The following HDAC9 variants were observed in gnomAD, a reference collection of about 807,000 sequenced individuals.
HDAC9 encodes MEF-2 interacting transcription repressor (MITR) protein.
In HDAC9, 41 loss-of-function variants were observed where a neutral mutation model predicts 139.4. That is an observed-to-expected ratio of 0.29 (90% CI 0.23 to 0.38). The LOEUF (loss-of-function observed/expected upper bound fraction) is 0.38. Among genes scored for constraint, HDAC9 ranks in the 10% least tolerant of loss-of-function variants. The probability of loss-of-function intolerance (pLI) is 1.00; values close to 1 mark genes in which losing one functional copy is unlikely to be tolerated. For synonymous variants in HDAC9, 517 were observed against 476.2 expected (o/e 1.09, Z -1.12); for missense variants, 1,147 against 1,297.0 (o/e 0.88, Z 1.78).
chr7:18,313,476 ATACT>A, intron 1 of HDAC9, among the ~76,000 whole-genome samples: 1 of 152,320 alleles, frequency 6.6e-6, no homozygotes, highest in Middle Eastern at 3.4e-3. Context: ...TCAGATCCAA[ATACT>A]TAGTTCATTT....
intron 25 of HDAC9, among the ~76,000 whole-genome samples, chr7:18,976,760 A>G (rs1003670395): frequency 2.6e-5 from 4 of 152,202 alleles, no homozygotes; most frequent in African/African-American, 7.2e-5. Context: ...GGTGATTTCT[A>G]TGGCTGACTT....
intron 7 of HDAC9, 37 bp from the exon 8 acceptor site, chr7:18,634,590 C>T (rs758438173): frequency 1.2e-5 from 15 of 1,278,762 alleles, no homozygotes; most frequent in Non-Finnish European, 1.6e-5. Flanking sequence ...TATGTATGTT[C>T]CTCATGAACA....
chr7:18,354,278 T>C (rs1040146047), intron 1 of HDAC9, among the ~76,000 whole-genome samples: 1 of 152,226 alleles, frequency 6.6e-6, no homozygotes, highest in African/African-American at 2.4e-5. Context: ...TGCCACTTCA[T>C]TGTGACCTTA....
chr7:18,626,750 A>G (rs1841829651), intron 6 of HDAC9, among the ~76,000 whole-genome samples: 2 of 152,222 alleles, frequency 1.3e-5, no homozygotes, highest in Admixed American at 6.5e-5. Context: ...GTAGACAAAC[A>G]GGAGTGAAAG....
chr7:18,175,594 G>A (rs1279317145), intron 2 of HDAC9, among the ~76,000 whole-genome samples: 2 of 152,132 alleles, frequency 1.3e-5, no homozygotes, highest in Non-Finnish European at 2.9e-5. Flanking sequence ...ATCTTGGAAC[G>A]GACCAGTCCA....
intron 1 of HDAC9, among the ~76,000 whole-genome samples, chr7:18,362,418 G>C (rs563439712): frequency 6.6e-6 from 1 of 152,122 alleles, no homozygotes; most frequent in South Asian, 2.1e-4. Context: ...TGGTAACTTA[G>C]ATGATCCAGT....
At chr7:18,715,138 C>G (rs1449266718) in intron 12 of HDAC9, among the ~76,000 whole-genome samples, 1 of 151,842 alleles carries the variant, frequency 6.6e-6, no homozygotes, top group Non-Finnish European at 1.5e-5. Flanking sequence ...GTTTTCAATT[C>G]TGACCCACAG....
intron 2 of HDAC9, among the ~76,000 whole-genome samples, chr7:18,553,163 G>A (rs1308447694): frequency 6.6e-6 from 1 of 152,116 alleles, no homozygotes; most frequent in African/African-American, 2.4e-5. Context: ...AAGTCAGCAG[G>A]AAGGCTCCAG....
intron 12 of HDAC9, among the ~76,000 whole-genome samples, chr7:18,706,210 A>AATT (rs1373046249): frequency 4.6e-5 from 6 of 130,788 alleles, no homozygotes; most frequent in Admixed American, 8.5e-5. Context: ...AGCCGCAATA[A>AATT]ATTTCCACAG....
intron 22 of HDAC9, among the ~76,000 whole-genome samples, chr7:18,916,445 G>A (rs1313901101): frequency 6.6e-6 from 1 of 152,010 alleles, no homozygotes; most frequent in East Asian, 1.9e-4. Flanking sequence ...GTAAAGTGGT[G>A]TAAAATTTTG....
intron 1 of HDAC9, among the ~76,000 whole-genome samples, chr7:18,346,831 G>A (rs1456496466): frequency 6.6e-6 from 1 of 152,054 alleles, no homozygotes. Flanking sequence ...CCATTGTTTG[G>A]TTGGGAGCCA....
chr7:18,432,493 T>A (rs78192039), intron 1 of HDAC9, among the ~76,000 whole-genome samples: 5,693 of 152,326 alleles, frequency 0.037, 151 homozygotes, highest in African/African-American at 0.076. Flanking sequence ...TCTCATCACA[T>A]TCCTCATGAT....
chr7:18,887,254 A>C (rs1372935510), intron 22 of HDAC9, among the ~76,000 whole-genome samples: 2 of 152,136 alleles, frequency 1.3e-5, no homozygotes, highest in Admixed American at 1.3e-4. Flanking sequence ...CCGCTTCCAG[A>C]ATTTCTGACT....
chr7:18,212,952 A>G (rs1307140876), intron 2 of HDAC9, among the ~76,000 whole-genome samples: 6 of 152,208 alleles, frequency 3.9e-5, no homozygotes, highest in African/African-American at 1.4e-4. Flanking sequence ...ACCAGCTGCA[A>G]GCTGTCTAGA....
intron 21 of HDAC9, among the ~76,000 whole-genome samples, chr7:18,848,232 G>C (rs546659979): frequency 3.9e-5 from 6 of 152,144 alleles, no homozygotes; most frequent in African/African-American, 1.4e-4. Flanking sequence ...ATTTTTGCCA[G>C]TGATGAACAT....
intron 12 of HDAC9, chr7:18,667,728 CTTTCTGT>C (rs1319312909): frequency 1.0e-6 from 1 of 984,700 alleles, no homozygotes; most frequent in Non-Finnish European, 1.2e-6. Context: ...GTGCTTTACT[CTTTCTGT>C]TTTTAAAGGG....
rs199607615 is a variant in HDAC9, at chr7:18,258,951, C to CT, written c.25+96639dup. On this transcript the variant is annotated intron_variant, in intron 2 of 12. Coordinates refer to the HDAC9 transcript ENST00000417496. ...TAATAAAGTAGGGATTCTTCTTCTC[C>CT]TTTTTTTTTTTTTTTTTTTTTTTTT... 7.2e-3 allele frequency among the ~76,000 whole-genome samples: 706 copies of CT among 98,236 alleles called. 44 individuals are homozygous for CT. The highest frequency in any genetic ancestry group is 0.011 in the Non-Finnish European group (510 of 46,944). 64.4% of individuals were successfully genotyped at this position (98,236 alleles called of 152,430 possible). A position where few individuals can be genotyped will look rare whatever the true frequency, so the allele number is the denominator to read the frequency against.
intron 25 of HDAC9, among the ~76,000 whole-genome samples, chr7:18,991,268 A>G (rs1438211029): frequency 6.6e-6 from 1 of 152,244 alleles, no homozygotes; most frequent in African/African-American, 2.4e-5. Context: ...ATGAAAGAAC[A>G]TAAAACAAAA....
intron 1 of HDAC9, among the ~76,000 whole-genome samples, chr7:18,309,319 C>A (rs554180657): frequency 6.6e-6 from 1 of 152,068 alleles, no homozygotes; most frequent in African/African-American, 2.4e-5. Flanking sequence ...TTACATAGTT[C>A]GAGGAACTGC....
Sources: gnomAD v4.1 joint callset for allele counts (sites outside exome capture counted in the v4.1 genomes callset) on GRCh38, gnomAD v4.1.1 for gene constraint, MANE v1.5 for transcripts, NCBI Gene and HGNC (gene_info 2026-07-23, HGNC 2026-07-21) for gene names.